The following TIAM2 variants were observed in gnomAD, a reference collection of about 807,000 sequenced individuals.
The protein encoded by TIAM2 is rho guanine nucleotide exchange factor TIAM2.
TIAM2 carries 80 observed loss-of-function variants against 152.9 expected under a neutral mutation model. The observed-to-expected ratio is 0.52, with a 90% confidence interval of 0.44 to 0.63. TIAM2 has a LOEUF of 0.63. Ranked by LOEUF, TIAM2 falls within the 30% of genes least tolerant of loss-of-function variation. The pLI is 0.00. For missense variants in TIAM2, 1,965 were observed against 2,120.1 expected, an observed-to-expected ratio of 0.93 and a Z score of 1.44; for synonymous variants, 804 against 838.0, an observed-to-expected ratio of 0.96 and a Z score of 0.70.
chr6:155,187,600 A>T (rs1202918458), intron 14 of TIAM2, among the ~76,000 whole-genome samples: 1 of 27,580 alleles, frequency 3.6e-5, no homozygotes, highest in Non-Finnish European at 7.5e-5. Context: ...TTTTTTTGAG[A>T]TGAAGTTTTG....
At position 155,195,647 on chromosome 6, in the gene TIAM2, C is replaced by T. The variant is rs368490009; in HGVS notation, c.3064+12147C>T. Among the ~76,000 whole-genome samples, 7 of 138,914 alleles carry T rather than the reference C, an allele frequency of 5.0e-5. No individual in the cohort carries two copies. In the South Asian group the frequency reaches 1.2e-3, roughly 25 times the overall value. 91.1% of individuals were successfully genotyped at this position (138,914 alleles called of 152,430 possible). ...ATGTATTCACAGATGATAAGTGTGA[C>T]GGAACAAAAATTGATCAGGGTGGGA... On this transcript the variant is annotated intron_variant, in intron 14 of 26. Transcript: ENST00000682666.
chr6:155,025,922 T>G (rs1776593998), intron 1 of TIAM2, among the ~76,000 whole-genome samples: 1 of 150,732 alleles, frequency 6.6e-6, no homozygotes, highest in South Asian at 2.1e-4. Flanking sequence ...CGGAAAGGTG[T>G]TGTTGAGCAG....
At chr6:155,010,480 A>T (rs1025109002) in intron 1 of TIAM2, among the ~76,000 whole-genome samples, 1 of 151,936 alleles carries the variant, frequency 6.6e-6, no homozygotes, top group African/African-American at 2.4e-5. Flanking sequence ...TTTGAGATGG[A>T]GTTTCGCTCT....
intron 2 of TIAM2, among the ~76,000 whole-genome samples, chr6:155,099,112 G>T (rs1011459806): frequency 1.6e-5 from 2 of 127,964 alleles, no homozygotes; most frequent in East Asian, 3.9e-4. Flanking sequence ...GCTTGAACCC[G>T]GGAGTCAGAG....
chr6:155,069,743 T>C (rs1411249894), intron 1 of TIAM2, among the ~76,000 whole-genome samples: 1 of 152,104 alleles, frequency 6.6e-6, no homozygotes, highest in Non-Finnish European at 1.5e-5. Context: ...TGCTTTGTCA[T>C]CAGATTTGAG....
chr6:155,204,442 C>T (rs1442116471), intron 14 of TIAM2, among the ~76,000 whole-genome samples: 3 of 152,048 alleles, frequency 2.0e-5, no homozygotes, highest in Non-Finnish European at 4.4e-5. Flanking sequence ...GTGCCATTTA[C>T]ATATGGAGTA....
In TIAM2 at chr6:155,211,281, A is replaced by T; in HGVS notation, c.3142A>T (p.Arg1048Trp). The change falls in exon 15 of 27, where the codon AGG (arginine) becomes TGG (tryptophan). Residue 1048 changes from arginine (R) to tryptophan (W), a missense_variant. Around this residue, in one of 3 missense-constraint regions of TIAM2, gnomAD observed 935 missense variants for 980.0 expected, o/e 0.95. Transcript: ENST00000682666. ...TDGTLDQVSH[R>W]EKMEQTFRSA... Reference sequence around the variant, plus strand: ...TGGCACTCTGGATCAGGTTTCCCACAGGGAGAAAATGGAGCAGACATTCAG... The same window carrying T: ...TGGCACTCTGGATCAGGTTTCCCACTGGGAGAAAATGGAGCAGACATTCAG... The T allele has an allele frequency of 6.2e-7, 1 of 1,613,518 alleles. No individual in the cohort carries two copies. The highest frequency in any genetic ancestry group is 1.7e-5 in the Admixed American group (1 of 60,008).
chr6:155,140,553 T>G (rs1054046467), intron 5 of TIAM2, among the ~76,000 whole-genome samples: 2 of 146,382 alleles, frequency 1.4e-5, no homozygotes, highest in Non-Finnish European at 3.0e-5. Flanking sequence ...TGACTGTGTG[T>G]GTATGTGTGT....
intron 5 of TIAM2, among the ~76,000 whole-genome samples, chr6:155,139,239 C>T (rs1441867471): frequency 6.6e-6 from 1 of 152,194 alleles, no homozygotes; most frequent in Non-Finnish European, 1.5e-5. Context: ...CTTCCCCAAC[C>T]GTGGAGGGCA....
Position 155,057,166 on chromosome 6 carries a change from C to T in TIAM2, c.-208-33123C>T, listed in dbSNP as rs536758026. On this transcript the variant is annotated intron_variant, in intron 1 of 26. Coordinates refer to ENST00000682666, the MANE Select transcript of TIAM2 (RefSeq NM_012454.4). ...AACTCAGCCTCCTGAGTAGCTGGGACTATAGGTGCATGCCACCACACCCAG... is the reference window on the plus strand; with the variant it reads ...AACTCAGCCTCCTGAGTAGCTGGGATTATAGGTGCATGCCACCACACCCAG... 3.3e-5 allele frequency among the ~76,000 whole-genome samples: 5 copies of T among 151,032 alleles called. No homozygotes were observed. The South Asian group carries it at 1.1e-3, about 32-fold the overall frequency.
chr6:155,221,270 G>T (rs1782036686), intron 15 of TIAM2, among the ~76,000 whole-genome samples: 1 of 152,148 alleles, frequency 6.6e-6, no homozygotes, highest in South Asian at 2.1e-4. Context: ...TGGGCTGGAG[G>T]ATCAGGGCCT....
At chr6:155,099,210 G>GTATA (rs140850839) in intron 2 of TIAM2, among the ~76,000 whole-genome samples, 45 of 79,314 alleles carry the variant, frequency 5.7e-4, no homozygotes, top group South Asian at 8.2e-4. Context: ...ATCTATATGT[G>GTATA]TATATATATA....
rs397689749 is a variant in TIAM2 at position 155,053,484 on chromosome 6, T to TA, written c.-208-36802dup. 1.3e-4 allele frequency among the ~76,000 whole-genome samples: 20 copies of TA among 148,464 alleles called. No homozygotes were observed. In the East Asian group the frequency reaches 1.8e-3, roughly 13 times the overall value. ...CTTGCAGCTTTTTTTTTTTTTTTTT[T>TA]AAATTTAGACAGAGTCTTGCCCCGT... On this transcript the variant is annotated intron_variant, in intron 1 of 26. Coordinates refer to ENST00000682666, the MANE Select transcript of TIAM2 (RefSeq NM_012454.4).
At chr6:155,227,442 C>T (rs1782288995) in intron 15 of TIAM2, among the ~76,000 whole-genome samples, 1 of 152,232 alleles carries the variant, frequency 6.6e-6, no homozygotes, top group Non-Finnish European at 1.5e-5. Flanking sequence ...TCAGAGATGT[C>T]AACTAGCAGG....
chr6:155,075,274 G>A (rs1777930135), intron 1 of TIAM2, among the ~76,000 whole-genome samples: 1 of 151,908 alleles, frequency 6.6e-6, no homozygotes, highest in African/African-American at 2.4e-5. Flanking sequence ...CATTTTAAAT[G>A]TAGCTATGGT....
chr6:155,047,696 A>AGAGAGAGAGAGAGAG (rs1777218678), intron 1 of TIAM2, among the ~76,000 whole-genome samples: 1 of 13,780 alleles, frequency 7.3e-5, no homozygotes, highest in African/African-American at 3.4e-4. Context: ...GAGGAGAGAG[A>AGAGAGAGAGAGAGAG]GAGAGAGAGC....
rs143629467 is a variant in TIAM2 at position 155,228,544 on chromosome 6, G to A, written c.3169-11986G>A. ...GAAGCAAAGCCATATCTTTCTTTCCGGGTGAAAAATGGGTTAGAGAAAATG... is the reference window on the plus strand; with the variant it reads ...GAAGCAAAGCCATATCTTTCTTTCCAGGTGAAAAATGGGTTAGAGAAAATG... On this transcript the variant is annotated intron_variant, in intron 15 of 26. Transcript: ENST00000682666. 5.1e-3 allele frequency among the ~76,000 whole-genome samples: 768 copies of A among 152,078 alleles called. 5 individuals carry two copies. Among genetic ancestry groups the A allele is most frequent in the Middle Eastern group, 0.027 (8 of 294 alleles).
rs545749415 is a variant in TIAM2, at chr6:155,234,894, G to T, written c.3169-5636G>T. Among the ~76,000 whole-genome samples the T allele has an allele frequency of 8.5e-5, 13 of 152,356 alleles. 1 individual carries two copies. In the South Asian group the frequency reaches 2.7e-3, roughly 32 times the overall value. On this transcript the variant is annotated intron_variant, in intron 15 of 26. Coordinates refer to ENST00000682666, the MANE Select transcript of TIAM2 (RefSeq NM_012454.4). ...ACATGGGAGGCAGAGGCAGCAGGAG[G>T]CGTGAGGAACTAGATTGCTTTGCCT... is the stretch of plus-strand genomic sequence containing the variant.
At chr6:155,151,828 C>T (rs374553817) in intron 7 of TIAM2, among the ~76,000 whole-genome samples, 1 of 144,538 alleles carries the variant, frequency 6.9e-6, no homozygotes, top group African/African-American at 2.6e-5. Flanking sequence ...TCTATAGAAT[C>T]TTTTTTTTTT....
Sources: allele counts gnomAD v4.1 joint callset (sites outside exome capture counted in the v4.1 genomes callset), GRCh38; gene constraint gnomAD v4.1.1; regional missense constraint gnomAD v4.1.1; transcripts MANE v1.5; gene names NCBI Gene and HGNC (gene_info 2026-07-23, HGNC 2026-07-21).